The following ZNF704 variants were observed in gnomAD, a reference collection of about 807,000 sequenced individuals.
The protein encoded by ZNF704 is glucocorticoid induced gene 1.
Under a neutral mutation model 44.7 loss-of-function variants are expected in ZNF704, and 10 were observed. The ratio of observed to expected loss-of-function variants is 0.22; its 90% CI spans 0.14 to 0.38. ZNF704 has a LOEUF of 0.38. Among genes scored for constraint, ZNF704 ranks in the 10% least tolerant of loss-of-function variants. The pLI is 1.00. For missense variants in ZNF704, 390 were observed against 545.5 expected (o/e 0.71, Z 2.84); for synonymous variants, 211 against 207.6 (o/e 1.02, Z -0.14).
chr8:80,663,513 T>C (rs1346752343), intron 6 of ZNF704, among the ~76,000 whole-genome samples: 1 of 152,064 alleles, frequency 6.6e-6, no homozygotes, highest in African/African-American at 2.4e-5. Flanking sequence ...AATGCAGGGT[T>C]GGTGGGGGGC....
At chr8:80,672,844 T>C (rs1428059013) in intron 4 of ZNF704, among the ~76,000 whole-genome samples, 2 of 152,006 alleles carry the variant, frequency 1.3e-5, no homozygotes, top group Non-Finnish European at 2.9e-5. Context: ...GGCTCAATTG[T>C]ATCCCAAACC....
rs1433295718 is a variant in ZNF704 at position 80,763,134 on chromosome 8, G to A, written c.221+58240C>T. Among the ~76,000 whole-genome samples the A allele has an allele frequency of 7.9e-5, 12 of 152,264 alleles. No individual in the cohort carries two copies. The South Asian group carries it at 1.9e-3, about 24-fold the overall frequency. The stretch of plus-strand genomic sequence containing the variant: ...GTGTCTGCAGCTTTTCTAGGTGCAC[G>A]GTGCCAGCTGTTGGTGGATCTACCA... On this transcript the variant is annotated intron_variant, in intron 2 of 8. Transcript: ENST00000327835.
intron 2 of ZNF704, among the ~76,000 whole-genome samples, chr8:80,802,304 A>T (rs1425387811): frequency 2.0e-5 from 3 of 152,262 alleles, no homozygotes; most frequent in African/African-American, 7.2e-5. Flanking sequence ...CAAAAAACTG[A>T]AAAGGAGGGA....
chr8:80,875,335 G>A (rs1476784986), upstream of ZNF704, among the ~76,000 whole-genome samples: 1 of 151,436 alleles, frequency 6.6e-6, no homozygotes, highest in Non-Finnish European at 1.5e-5. Flanking sequence ...ATGGAGTTTC[G>A]CTCTTGTTGC....
chr8:80,770,822 C>T (rs1001312261), intron 2 of ZNF704, among the ~76,000 whole-genome samples: 1 of 152,112 alleles, frequency 6.6e-6, no homozygotes. Context: ...ATTTTATGGT[C>T]ATACATTTTA....
intron 2 of ZNF704, among the ~76,000 whole-genome samples, chr8:80,793,637 T>C (rs1807750503): frequency 6.6e-6 from 1 of 152,120 alleles, no homozygotes; most frequent in African/African-American, 2.4e-5. Flanking sequence ...GGCTGGTTTA[T>C]GGATGCTTTC....
intron 1 of ZNF704, among the ~76,000 whole-genome samples, chr8:80,821,976 T>C: frequency 6.6e-6 from 1 of 152,212 alleles, no homozygotes; most frequent in Admixed American, 6.5e-5. Context: ...TTCAGTCTGA[T>C]TATCATGTTT....
intron 2 of ZNF704, among the ~76,000 whole-genome samples, chr8:80,804,915 T>C (rs188556060): frequency 2.6e-5 from 4 of 152,188 alleles, no homozygotes; most frequent in South Asian, 4.2e-4. Flanking sequence ...TCATCATAGA[T>C]TGGTGGGGTG....
At chr8:80,872,892 C>T (rs774412366) in intron 1 of ZNF704, among the ~76,000 whole-genome samples, 1 of 152,022 alleles carries the variant, frequency 6.6e-6, no homozygotes, top group African/African-American at 2.4e-5. Context: ...AAAAAAACCT[C>T]AAACGCTAAA....
In ZNF704 at chr8:80,843,494, C is replaced by A. The variant is rs141851349; in HGVS notation, c.-21-21879G>T. Among the ~76,000 whole-genome samples, 87 of 152,308 alleles carry A rather than the reference C, an allele frequency of 5.7e-4. 1 individual carries two copies. The highest frequency in any genetic ancestry group is 3.7e-3 in the East Asian group (19 of 5,192). On this transcript the variant is annotated intron_variant, in intron 1 of 8. Coordinates refer to ENST00000327835, the MANE Select transcript of ZNF704 (RefSeq NM_001033723.3). The stretch of plus-strand genomic sequence containing the variant: ...ACAAGAAGGTAAAATATGCAAAAGC[C>A]ACAATTTACACTCTAGCTTCAAAAG...
At chr8:80,755,987 C>T (rs952547603) in intron 2 of ZNF704, among the ~76,000 whole-genome samples, 1 of 151,860 alleles carries the variant, frequency 6.6e-6, no homozygotes, top group Non-Finnish European at 1.5e-5. Flanking sequence ...TACACATCTG[C>T]AGTCCCAGCT....
At chr8:80,665,831 A>AT (rs1041772341) in intron 5 of ZNF704, among the ~76,000 whole-genome samples, 6 of 137,160 alleles carry the variant, frequency 4.4e-5, no homozygotes, top group South Asian at 2.2e-4. Flanking sequence ...ATTTTATTTT[A>AT]TTTTTTTTTC....
intron 2 of ZNF704, among the ~76,000 whole-genome samples, chr8:80,710,500 T>C (rs545143842): frequency 1.3e-5 from 2 of 152,306 alleles, no homozygotes; most frequent in East Asian, 3.9e-4. Flanking sequence ...TGATTCTATC[T>C]CCACAATATT....
chr8:80,719,879 T>TG (rs1801482968), intron 2 of ZNF704, among the ~76,000 whole-genome samples: 1 of 152,300 alleles, frequency 6.6e-6, no homozygotes. Flanking sequence ...GATGTGATCT[T>TG]GGGAAATCAT....
chr8:80,872,959 A>C (rs574969620), intron 1 of ZNF704, among the ~76,000 whole-genome samples: 1 of 152,174 alleles, frequency 6.6e-6, no homozygotes, highest in South Asian at 2.1e-4. Context: ...TGCTAGCAAA[A>C]TGCATGTGGA....
At chr8:80,686,564 A>G (rs1266017985) in intron 4 of ZNF704, among the ~76,000 whole-genome samples, 1 of 150,502 alleles carries the variant, frequency 6.6e-6, no homozygotes, top group Non-Finnish European at 1.5e-5. Context: ...TTTTTATTTA[A>G]TTTTTTTTTG....
At chr8:80,813,393 A>T (rs1808121578) in intron 2 of ZNF704, among the ~76,000 whole-genome samples, 1 of 152,206 alleles carries the variant, frequency 6.6e-6, no homozygotes, top group Non-Finnish European at 1.5e-5. Flanking sequence ...ACACATTATA[A>T]TCTAGCACTA....
At chr8:80,820,230 C>A (rs1808246268) in intron 2 of ZNF704, among the ~76,000 whole-genome samples, 1 of 152,118 alleles carries the variant, frequency 6.6e-6, no homozygotes, top group Admixed American at 6.5e-5. Flanking sequence ...AATCTAAAAT[C>A]CCTGCTGACG....
chr8:80,701,488 C>T (rs1217187593), intron 2 of ZNF704, among the ~76,000 whole-genome samples: 1 of 152,042 alleles, frequency 6.6e-6, no homozygotes, highest in Non-Finnish European at 1.5e-5. Flanking sequence ...TGGTATTTTG[C>T]TTTTTGAAGC....
Sources: gnomAD v4.1 joint callset for allele counts (sites outside exome capture counted in the v4.1 genomes callset) on GRCh38, gnomAD v4.1.1 for gene constraint, MANE v1.5 for transcripts, NCBI Gene and HGNC (gene_info 2026-07-23, HGNC 2026-07-21) for gene names.